Variants in PRSS12 observed in about 807,000 individuals in gnomAD.
PRSS12 encodes the protein serine protease 12, also known as neurotrypsin.
A neutral mutation model predicts 104.4 loss-of-function variants in PRSS12; 85 were observed. That is an observed-to-expected ratio of 0.81 (90% CI 0.68 to 0.98). The LOEUF (loss-of-function observed/expected upper bound fraction) is 0.98, where lower values mean the gene tolerates loss of function less well. Ranked by LOEUF, PRSS12 falls within the 50% of genes least tolerant of loss-of-function variation. The pLI is 0.00. For synonymous variants in PRSS12, 454 were observed against 425.2 expected (o/e 1.07, Z -0.83); for missense variants, 1,141 against 1,139.2 (o/e 1.00, Z -0.02).
intron 3 of PRSS12, 86 bp downstream of exon 3, chr4:118,335,387 G>T: frequency 1.3e-6 from 2 of 1,483,556 alleles, no homozygotes; most frequent in South Asian, 1.2e-5. Context: ...TTAAGGAAAT[G>T]ATTATAACTA....
intron 11 of PRSS12, among the ~76,000 whole-genome samples, chr4:118,285,585 G>A (rs1401357563): frequency 6.6e-6 from 1 of 152,046 alleles, no homozygotes; most frequent in African/African-American, 2.4e-5. Context: ...TGTGGTTACT[G>A]CAGCACTTGG....
At chr4:118,350,692 G>A (rs1020438426) in intron 1 of PRSS12, among the ~76,000 whole-genome samples, 2 of 151,912 alleles carry the variant, frequency 1.3e-5, no homozygotes, top group Non-Finnish European at 2.9e-5. Context: ...TGAGGTGGCA[G>A]GAAATCCAAG....
chr4:118,343,040 C>G (rs1335776054), intron 1 of PRSS12, among the ~76,000 whole-genome samples: 1 of 152,106 alleles, frequency 6.6e-6, no homozygotes, highest in Non-Finnish European at 1.5e-5. Flanking sequence ...AACTAGAGAA[C>G]AGCAGACTGG....
At chr4:118,285,833 C>A (rs1476899354) in intron 11 of PRSS12, among the ~76,000 whole-genome samples, 2 of 151,246 alleles carry the variant, frequency 1.3e-5, no homozygotes, top group Admixed American at 1.3e-4. Context: ...TTTTTTGAGA[C>A]AAGATTTCAC....
intron 11 of PRSS12, among the ~76,000 whole-genome samples, chr4:118,285,040 T>G (rs1443937150): frequency 1.3e-5 from 2 of 152,144 alleles, no homozygotes; most frequent in Non-Finnish European, 1.5e-5. Flanking sequence ...TTCTAATCCT[T>G]AAGTAGGGCT....
intron 1 of PRSS12, among the ~76,000 whole-genome samples, chr4:118,340,973 T>G (rs775357664): frequency 3.9e-5 from 6 of 152,218 alleles, no homozygotes; most frequent in Non-Finnish European, 8.8e-5. Flanking sequence ...AGAAGAACCC[T>G]CTCTGGAATG....
At chr4:118,290,235 CA>C (rs1032990790) in intron 11 of PRSS12, among the ~76,000 whole-genome samples, 1 of 151,544 alleles carries the variant, frequency 6.6e-6, no homozygotes, top group South Asian at 2.1e-4. Context: ...ATAACAACAA[CA>C]AAAAAAAGAG....
intron 11 of PRSS12, among the ~76,000 whole-genome samples, chr4:118,291,284 T>C (rs1215455164): frequency 6.6e-6 from 1 of 152,120 alleles, no homozygotes; most frequent in African/African-American, 2.4e-5. Flanking sequence ...ATAATTGCCA[T>C]CCCTCAAACA....
At chr4:118,333,406 AAAGT>A (rs1381703545) in intron 3 of PRSS12, among the ~76,000 whole-genome samples, 1 of 152,232 alleles carries the variant, frequency 6.6e-6, no homozygotes, top group African/African-American at 2.4e-5. Context: ...ACGTGCTGCC[AAAGT>A]AAGCACTCAT....
intron 5 of PRSS12, 138 bp downstream of exon 5, chr4:118,318,240 T>G: frequency 4.7e-6 from 4 of 845,128 alleles, no homozygotes; most frequent in Non-Finnish European, 3.7e-6. Flanking sequence ...ACGGTTTGCA[T>G]TCTTTTTGTT....
intron 11 of PRSS12, among the ~76,000 whole-genome samples, chr4:118,291,776 A>G (rs1394378046): frequency 6.6e-6 from 1 of 152,154 alleles, no homozygotes; most frequent in Non-Finnish European, 1.5e-5. Context: ...CCCAAGACTG[A>G]ATTAATTTCA....
chr4:118,352,748 T>G lies in PRSS12; in HGVS notation c.-28A>C. On this transcript the variant is annotated 5_prime_UTR_variant, in exon 1 of 13. The change abolishes an upstream ATG in the 5' untranslated region. Coordinates refer to ENST00000296498, the MANE Select transcript of PRSS12 (RefSeq NM_003619.4). ...TGCCAGCGCTGCGGGGTCTGGTCCA[T>G]GCTCCCCAGCTTCTCGGGCTTGGAG... 1 of 1,602,040 alleles carries G rather than the reference T, an allele frequency of 6.2e-7. No individual in the cohort carries two copies.
Position 118,352,444 on chromosome 4 carries a change from A to G in PRSS12, c.277T>C (p.Cys93Arg), listed in dbSNP as rs1254537108. Reference sequence around the variant, plus strand: ...CTGACCCATGGCTCGCCGGCGGGGCAGCCCCAGGGGTGCGGCCGGGGCGTG... The same window carrying G: ...CTGACCCATGGCTCGCCGGCGGGGCGGCCCCAGGGGTGCGGCCGGGGCGTG... Reference protein sequence around the residue: ...GHTPRPHPWGCPAGEPWVSVT... With the variant: ...GHTPRPHPWGRPAGEPWVSVT... Residue 93 changes from cysteine (C) to arginine (R), a missense_variant, in exon 1 of 13, where the codon TGC becomes CGC. Cys to Arg is a radical substitution (Grantham distance 180). Transcript: ENST00000296498. 1 of 1,487,900 alleles carries G rather than the reference A, an allele frequency of 6.7e-7. No individual in the cohort carries two copies. The highest frequency in any genetic ancestry group is 1.4e-5 in the African/African-American group (1 of 69,576). The allele number at this position is 1,487,900 out of a possible 1,614,324, so 92.2% of individuals were successfully genotyped here. A position where few individuals can be genotyped will look rare whatever the true frequency, so the allele number is the denominator to read the frequency against.
At chr4:118,318,864 C>T (rs537530123) in intron 4 of PRSS12, among the ~76,000 whole-genome samples, 16 of 152,252 alleles carry the variant, frequency 1.1e-4, no homozygotes, top group African/African-American at 2.9e-4. Context: ...TTGGCCTCCC[C>T]TCCTTCTTGA....
intron 6 of PRSS12, among the ~76,000 whole-genome samples, chr4:118,315,334 C>CA (rs947716325): frequency 7.2e-4 from 109 of 152,146 alleles, no homozygotes; most frequent in African/African-American, 2.5e-3. Context: ...TTATTTTCAT[C>CA]ATTTTCCAAT....
At chr4:118,301,852 C>A (rs950581985) in intron 8 of PRSS12, among the ~76,000 whole-genome samples, 13 of 152,046 alleles carry the variant, frequency 8.6e-5, no homozygotes, top group Non-Finnish European at 1.5e-4. Flanking sequence ...CCAGTTGATT[C>A]TCTTGGGTTT....
Position 118,331,727 on chromosome 4 carries a change from C to G in PRSS12, c.960G>C (p.Gln320His). The G allele has an allele frequency of 6.2e-7, 1 of 1,614,170 alleles. No individual in the cohort carries two copies. The highest frequency in any genetic ancestry group is 1.1e-5 in the South Asian group (1 of 91,086). ...DDADAEVICR[Q>H]LGLSGIAKAW... Reference sequence around the variant, plus strand: ...TAGTAAAAACAAACCTGAGGCCCAGCTGCCTGCAGATCACTTCTGCATCGG... The same window carrying G: ...TAGTAAAAACAAACCTGAGGCCCAGGTGCCTGCAGATCACTTCTGCATCGG... Residue 320 changes from glutamine (Q) to histidine (H), a missense_variant, in exon 4 of 13, where the codon CAG (glutamine) becomes CAC (histidine). Transcript: ENST00000296498.
chr4:118,297,912 C>T (rs573814791), intron 9 of PRSS12, among the ~76,000 whole-genome samples: 57 of 152,046 alleles, frequency 3.7e-4, no homozygotes, highest in South Asian at 2.3e-3. Context: ...TTGAGGTGGG[C>T]GGATCATCTG....
intron 8 of PRSS12, among the ~76,000 whole-genome samples, chr4:118,302,882 A>G (rs1291475932): frequency 2.6e-5 from 4 of 152,222 alleles, no homozygotes; most frequent in Admixed American, 6.5e-5. Flanking sequence ...TTCTTTAAAA[A>G]TAAAAATAAT....
Sources: allele counts gnomAD v4.1 joint callset (sites outside exome capture counted in the v4.1 genomes callset), GRCh38; gene constraint gnomAD v4.1.1; transcripts MANE v1.5; gene names NCBI Gene and HGNC (gene_info 2026-07-23, HGNC 2026-07-21).